The following CDK19 variants were observed in gnomAD, a reference collection of about 807,000 sequenced individuals.
CDK19 encodes the protein cyclin-dependent kinase 19.
Under a neutral mutation model 68.3 loss-of-function variants are expected in CDK19, and 20 were observed. The ratio of observed to expected loss-of-function variants is 0.29; its 90% CI spans 0.21 to 0.43. The LOEUF (loss-of-function observed/expected upper bound fraction) is 0.43. CDK19 is among the 20% of genes least tolerant of loss of function. The pLI, the probability that CDK19 is intolerant of heterozygous loss-of-function variation, is 1.00. For synonymous variants in CDK19, 221 were observed against 222.8 expected, an observed-to-expected ratio of 0.99 and a Z score of 0.07; for missense variants, 339 against 623.5, an observed-to-expected ratio of 0.54 and a Z score of 4.86.
intron 2 of CDK19, among the ~76,000 whole-genome samples, chr6:110,745,811 T>A (rs1315216196): frequency 6.6e-6 from 1 of 151,850 alleles, no homozygotes; most frequent in African/African-American, 2.4e-5. Flanking sequence ...TACAAAAAAA[T>A]TAAAAAATTA....
chr6:110,643,714 C>T (rs1325831605), intron 4 of CDK19, among the ~76,000 whole-genome samples: 1 of 152,030 alleles, frequency 6.6e-6, no homozygotes, highest in East Asian at 1.9e-4. Flanking sequence ...GTGACAAGAG[C>T]AGTGAATGTT....
intron 1 of CDK19, among the ~76,000 whole-genome samples, chr6:110,788,372 G>A (rs950152032): frequency 1.3e-5 from 2 of 151,654 alleles, no homozygotes; most frequent in Non-Finnish European, 1.5e-5. Flanking sequence ...TGCCTAGGCT[G>A]GTCTCAAACT....
intron 2 of CDK19, among the ~76,000 whole-genome samples, chr6:110,736,864 C>T (rs531108445): frequency 1.3e-5 from 2 of 152,260 alleles, no homozygotes; most frequent in South Asian, 4.1e-4. Flanking sequence ...ATATCACTAG[C>T]ACAACTTTGC....
At chr6:110,748,743 C>T (rs1429915659) in intron 1 of CDK19, among the ~76,000 whole-genome samples, 1 of 152,252 alleles carries the variant, frequency 6.6e-6, no homozygotes, top group Non-Finnish European at 1.5e-5. Context: ...TGATTAGGCA[C>T]ATGAGACAGG....
intron 2 of CDK19, among the ~76,000 whole-genome samples, chr6:110,742,199 A>T (rs1777729224): frequency 6.6e-6 from 1 of 152,186 alleles, no homozygotes; most frequent in Non-Finnish European, 1.5e-5. Flanking sequence ...CAGTCCCCAA[A>T]ATTAATACTT....
intron 4 of CDK19, among the ~76,000 whole-genome samples, chr6:110,650,281 T>G (rs943573494): frequency 9.2e-5 from 14 of 152,144 alleles, no homozygotes; most frequent in Non-Finnish European, 1.9e-4. Flanking sequence ...ATATGTTACC[T>G]CTTGGGAGGA....
At chr6:110,741,655 C>G (rs1293412467) in intron 2 of CDK19, among the ~76,000 whole-genome samples, 2 of 150,062 alleles carry the variant, frequency 1.3e-5, no homozygotes, top group African/African-American at 4.9e-5. Flanking sequence ...TTGAAATCAA[C>G]AAGAGGGAAA....
chr6:110,745,754 C>A (rs1282200618), intron 2 of CDK19, among the ~76,000 whole-genome samples: 1 of 151,936 alleles, frequency 6.6e-6, no homozygotes, highest in Non-Finnish European at 1.5e-5. Context: ...ATCATTTGAG[C>A]CCAGAAGTTT....
At chr6:110,696,077 A>C (rs1773458432) in intron 2 of CDK19, among the ~76,000 whole-genome samples, 1 of 152,234 alleles carries the variant, frequency 6.6e-6, no homozygotes, top group African/African-American at 2.4e-5. Context: ...ATTCCTGATG[A>C]ACACAAATGC....
intron 2 of CDK19, among the ~76,000 whole-genome samples, chr6:110,681,040 T>C (rs927969334): frequency 6.7e-6 from 1 of 149,288 alleles, no homozygotes. Context: ...TAAAGAGATA[T>C]AAATAACAGA....
intron 1 of CDK19, among the ~76,000 whole-genome samples, chr6:110,769,894 G>A (rs913292621): frequency 3.3e-5 from 5 of 152,056 alleles, no homozygotes; most frequent in African/African-American, 1.2e-4. Flanking sequence ...GATGAAAATG[G>A]CCAACTAGCC....
intron 1 of CDK19, among the ~76,000 whole-genome samples, chr6:110,781,640 C>G (rs1309524548): frequency 6.6e-6 from 1 of 151,958 alleles, no homozygotes; most frequent in East Asian, 1.9e-4. Context: ...CTCAGGAGTT[C>G]AAGACGAGTC....
At chr6:110,758,456 G>C (rs958714942) in intron 1 of CDK19, among the ~76,000 whole-genome samples, 1 of 152,090 alleles carries the variant, frequency 6.6e-6, no homozygotes, top group Non-Finnish European at 1.5e-5. Flanking sequence ...AGTTAGAATT[G>C]ATTCATCTCC....
chr6:110,676,966 A>G (rs1191492019), intron 2 of CDK19, among the ~76,000 whole-genome samples: 1 of 152,116 alleles, frequency 6.6e-6, no homozygotes, highest in Non-Finnish European at 1.5e-5. Context: ...TAATCCCCAA[A>G]TTTGCATTTT....
chr6:110,646,436 T>C lies in CDK19; in HGVS notation c.457-7730A>G, dbSNP rs111433901. 18 of 1,501,004 alleles carry C rather than the reference T, an allele frequency of 1.2e-5. No individual in the cohort carries two copies. The African/African-American group carries it at 2.2e-4, about 18-fold the overall frequency. 93.0% of individuals were successfully genotyped at this position (1,501,004 alleles called of 1,614,324 possible). The stretch of plus-strand genomic sequence containing the variant: ...CGACATGGCCTTCCCGCGCCGCAGC[T>C]ACCCCATGCACCGCCTCATCCCTGA... On this transcript the variant is annotated intron_variant, in intron 4 of 12. Coordinates refer to ENST00000368911, the MANE Select transcript of CDK19 (RefSeq NM_015076.5).
chr6:110,695,802 T>C (rs559467254), intron 2 of CDK19, among the ~76,000 whole-genome samples: 13 of 150,722 alleles, frequency 8.6e-5, no homozygotes, highest in African/African-American at 2.4e-4. Flanking sequence ...TGGGAAGAAA[T>C]AGAAACTCTG....
chr6:110,665,283 G>A (rs758131990), intron 4 of CDK19, among the ~76,000 whole-genome samples: 1 of 152,148 alleles, frequency 6.6e-6, no homozygotes, highest in East Asian at 1.9e-4. Flanking sequence ...AAATAGATGA[G>A]TGCAAGGCAT....
chr6:110,719,932 T>C (rs372774828), intron 2 of CDK19, among the ~76,000 whole-genome samples: 2 of 148,512 alleles, frequency 1.3e-5, no homozygotes, highest in Non-Finnish European at 3.0e-5. Context: ...CGTTTCACCA[T>C]GTTGGTCAGG....
At position 110,649,271 on chromosome 6, in the gene CDK19, T is replaced by A. The variant is rs2114855502; in HGVS notation, c.457-10565A>T. Among the ~76,000 whole-genome samples the A allele has an allele frequency of 2.0e-5, 3 of 152,118 alleles. No individual in the cohort carries two copies. In the Middle Eastern group the frequency reaches 0.01, roughly 521 times the overall value. ...CCTGAGATCAGTAGAGAAAGGAGGA[T>A]CTGTTCAATAAATGGTGTTGGTACA... On this transcript the variant is annotated intron_variant, in intron 4 of 12. Transcript: ENST00000368911.
Sources: allele counts gnomAD v4.1 joint callset (sites outside exome capture counted in the v4.1 genomes callset), GRCh38; gene constraint gnomAD v4.1.1; transcripts MANE v1.5; gene names NCBI Gene and HGNC (gene_info 2026-07-23, HGNC 2026-07-21).